Variants in C1QTNF7 observed in about 807,000 individuals in gnomAD.
C1QTNF7 encodes C1q and TNF related 7.
In C1QTNF7, 15 loss-of-function variants were observed where a neutral mutation model predicts 19.6. The observed-to-expected ratio is 0.76, with a 90% CI of 0.51 to 1.18. The LOEUF (loss-of-function observed/expected upper bound fraction) is 1.18. Ranked by LOEUF, C1QTNF7 falls within the 50% of genes most tolerant of loss-of-function variation. C1QTNF7 has a pLI of 0.00. For synonymous variants in C1QTNF7, 142 were observed against 137.5 expected (o/e 1.03, Z -0.23); for missense variants, 324 against 359.7 (o/e 0.90, Z 0.80).
At chr4:15,379,957 T>C (rs1178619514) in intron 1 of C1QTNF7, among the ~76,000 whole-genome samples, 2 of 152,176 alleles carry the variant, frequency 1.3e-5, no homozygotes, top group Non-Finnish European at 2.9e-5. Context: ...GCCGATTACG[T>C]TGGTTGAAGT....
intron 1 of C1QTNF7, chr4:15,374,517 A>C: frequency 1.0e-6 from 1 of 970,782 alleles, no homozygotes; most frequent in Non-Finnish European, 1.2e-6. Context: ...GGCTCGATCA[A>C]ACAATCAGGA....
At position 15,442,600 on chromosome 4, in the gene C1QTNF7, A is replaced by G. The variant is rs1712821633; in HGVS notation, c.671A>G (p.Asn224Ser). Reference sequence around the variant, plus strand: ...TACCGGATAAAGACCTTCGACGCCAACACAGGAAACCATGATGTGGCTTCG... The same window carrying G: ...TACCGGATAAAGACCTTCGACGCCAGCACAGGAAACCATGATGTGGCTTCG... The part of the protein sequence containing the change: ...GQYRIKTFDA[N>S]TGNHDVASGS... The change falls in exon 3 of 3, where the codon AAC becomes AGC. Residue 224 changes from asparagine (N) to serine (S), a missense_variant. Transcript: ENST00000444304. The G allele has an allele frequency of 6.2e-7, 1 of 1,614,202 alleles. No homozygotes were observed. The highest frequency in any genetic ancestry group is 8.5e-7 in the Non-Finnish European group (1 of 1,180,026).
chr4:15,360,503 T>C (rs1172107924), intron 1 of C1QTNF7, among the ~76,000 whole-genome samples: 3 of 152,198 alleles, frequency 2.0e-5, no homozygotes, highest in African/African-American at 7.2e-5. Context: ...GGAGCTTATC[T>C]AACACATGTA....
intron 1 of C1QTNF7, among the ~76,000 whole-genome samples, chr4:15,363,016 T>G (rs933666526): frequency 6.6e-6 from 1 of 152,214 alleles, no homozygotes; most frequent in African/African-American, 2.4e-5. Context: ...AGTGAGAATT[T>G]GAACCTGGGT....
At chr4:15,401,673 C>T (rs1719002677) in intron 1 of C1QTNF7, among the ~76,000 whole-genome samples, 1 of 152,014 alleles carries the variant, frequency 6.6e-6, no homozygotes. Context: ...CGTAGTTTCT[C>T]AGAAAAGAAA....
chr4:15,396,966 A>G (rs568971142), intron 1 of C1QTNF7, among the ~76,000 whole-genome samples: 1 of 152,344 alleles, frequency 6.6e-6, no homozygotes, highest in South Asian at 2.1e-4. Flanking sequence ...GGTTTAATAC[A>G]GTTCTACGTG....
intron 1 of C1QTNF7, among the ~76,000 whole-genome samples, chr4:15,355,805 C>T (rs148878136): frequency 6.6e-6 from 1 of 152,056 alleles, no homozygotes; most frequent in African/African-American, 2.4e-5. Context: ...TTAACAAAAA[C>T]CCTTTGCCCA....
intron 1 of C1QTNF7, among the ~76,000 whole-genome samples, chr4:15,407,796 G>C (rs1719245263): frequency 6.6e-6 from 1 of 152,088 alleles, no homozygotes; most frequent in Non-Finnish European, 1.5e-5. Context: ...GTGTGGTGGT[G>C]GGTACCTGTA....
intron 1 of C1QTNF7, among the ~76,000 whole-genome samples, chr4:15,385,529 T>C (rs1718301355): frequency 6.6e-6 from 1 of 152,108 alleles, no homozygotes; most frequent in African/African-American, 2.4e-5. Context: ...CTGGAAAGGA[T>C]CCCATGAGGC....
chr4:15,395,254 C>G (rs1217238431), intron 1 of C1QTNF7, among the ~76,000 whole-genome samples: 1 of 152,120 alleles, frequency 6.6e-6, no homozygotes, highest in Admixed American at 6.5e-5. Context: ...GTGCCTGGCC[C>G]TGGGGTGATT....
intron 1 of C1QTNF7, among the ~76,000 whole-genome samples, chr4:15,364,511 A>G (rs942792725): frequency 7.9e-5 from 12 of 152,224 alleles, no homozygotes; most frequent in African/African-American, 2.9e-4. Context: ...AAGGAAATTT[A>G]TGGAAGAGAG....
upstream of C1QTNF7, among the ~76,000 whole-genome samples, chr4:15,426,397 G>GTTCA (rs146830890): frequency 9.7e-4 from 147 of 152,188 alleles, 1 homozygote; most frequent in East Asian, 0.018. Context: ...ATTTTCAAAG[G>GTTCA]TTCATTCTCT....
intron 1 of C1QTNF7, among the ~76,000 whole-genome samples, chr4:15,348,017 A>C (rs1716776228): frequency 6.6e-6 from 1 of 152,060 alleles, no homozygotes; most frequent in Non-Finnish European, 1.5e-5. Context: ...AATAATATAT[A>C]TCTGCTCCAC....
At chr4:15,382,460 T>A (rs745582625) in intron 1 of C1QTNF7, among the ~76,000 whole-genome samples, 1 of 152,086 alleles carries the variant, frequency 6.6e-6, no homozygotes, top group South Asian at 2.1e-4. Context: ...TGTTCACGAA[T>A]GAATGCTGCA....
At chr4:15,393,149 C>T (rs1483867724) in intron 1 of C1QTNF7, among the ~76,000 whole-genome samples, 2 of 152,094 alleles carry the variant, frequency 1.3e-5, no homozygotes, top group Non-Finnish European at 2.9e-5. Flanking sequence ...TTCGCTTGGC[C>T]CTCTTTTCTG....
At chr4:15,366,346 G>C (rs1028000131) in intron 1 of C1QTNF7, among the ~76,000 whole-genome samples, 8 of 152,152 alleles carry the variant, frequency 5.3e-5, no homozygotes, top group Non-Finnish European at 8.8e-5. Flanking sequence ...AATGGCACTT[G>C]TAAGTGTAAA....
Position 15,407,016 on chromosome 4 carries a change from G to A in C1QTNF7, c.14-28720G>A, listed in dbSNP as rs567665513. ...TCCCATTTTGGAACAACTGATTCAA[G>A]TTCATGTTTTAAATCCCATCTCAAC... is the stretch of plus-strand genomic sequence containing the variant. On this transcript the variant is annotated intron_variant, in intron 1 of 2. Coordinates refer to the C1QTNF7 transcript ENST00000295297. 2.6e-5 allele frequency among the ~76,000 whole-genome samples: 4 copies of A among 152,194 alleles called. No individual in the cohort carries two copies. The South Asian group carries it at 6.2e-4, about 24-fold the overall frequency.
intron 1 of C1QTNF7, among the ~76,000 whole-genome samples, chr4:15,344,861 G>A (rs1716663068): frequency 6.6e-6 from 1 of 152,168 alleles, no homozygotes; most frequent in Non-Finnish European, 1.5e-5. Flanking sequence ...TCTGCCTTTT[G>A]CAAAATTCAA....
chr4:15,414,393 G>T (rs1245918721), intron 1 of C1QTNF7, among the ~76,000 whole-genome samples: 1 of 152,048 alleles, frequency 6.6e-6, no homozygotes, highest in Non-Finnish European at 1.5e-5. Flanking sequence ...CACATTTTCT[G>T]TCAGGACTTT....
Sources: allele counts gnomAD v4.1 joint callset (sites outside exome capture counted in the v4.1 genomes callset), GRCh38; gene constraint gnomAD v4.1.1; transcripts MANE v1.5; gene names NCBI Gene and HGNC (gene_info 2026-07-23, HGNC 2026-07-21).